Variants in SYCP1 observed in about 807,000 individuals in gnomAD.
SYCP1 encodes synaptonemal complex protein 1.
A neutral mutation model predicts 153.1 loss-of-function variants in SYCP1; 64 were observed. The ratio of observed to expected loss-of-function variants is 0.42; its 90% CI spans 0.34 to 0.51. The LOEUF is 0.51. Ranked by LOEUF, SYCP1 falls within the 20% of genes least tolerant of loss-of-function variation. The pLI is 0.06. For synonymous variants in SYCP1, 384 were observed against 341.8 expected, an observed-to-expected ratio of 1.12 and a Z score of -1.36; for missense variants, 997 against 1,049.0, an observed-to-expected ratio of 0.95 and a Z score of 0.68.
At chr1:114,946,050 G>T (rs908369963) in intron 25 of SYCP1, among the ~76,000 whole-genome samples, 2 of 151,766 alleles carry the variant, frequency 1.3e-5, no homozygotes, top group Non-Finnish European at 2.9e-5. Flanking sequence ...TTTGCTCTTT[G>T]GTTATTTCCA....
chr1:114,910,722 A>G (rs1668119230), intron 17 of SYCP1, among the ~76,000 whole-genome samples: 1 of 152,182 alleles, frequency 6.6e-6, no homozygotes, highest in Admixed American at 6.6e-5. Flanking sequence ...AATATGATGC[A>G]TTATGCTATG....
intron 29 of SYCP1, among the ~76,000 whole-genome samples, chr1:114,981,973 G>A (rs1055779108): frequency 1.3e-5 from 2 of 151,966 alleles, no homozygotes; most frequent in Non-Finnish European, 2.9e-5. Context: ...TGCATCTGTA[G>A]TCCTTGGCAG....
Position 114,923,535 on chromosome 1 carries a change from GT to G in SYCP1, c.1800+7del. 1 of 1,573,638 alleles carries G rather than the reference GT, an allele frequency of 6.4e-7. No individual in the cohort carries two copies. Among genetic ancestry groups the G allele is most frequent in the Non-Finnish European group, 8.6e-7 (1 of 1,156,452 alleles). ...TTGGACAAGAGTGAAGAAAATGTAT[GT>G]TATATTTAATAATGGATCGTATCAC... On this transcript the variant is annotated splice_donor_region_variant and intron_variant, in intron 21 of 31. Transcript: ENST00000369522.
chr1:114,920,051 C>T (rs1469798466), intron 20 of SYCP1, among the ~76,000 whole-genome samples: 1 of 151,642 alleles, frequency 6.6e-6, no homozygotes, highest in Non-Finnish European at 1.5e-5. Flanking sequence ...GTTTGCTCTT[C>T]TTTTTGTAGT....
chr1:114,964,633 A>T (rs1671991699), intron 27 of SYCP1, among the ~76,000 whole-genome samples: 1 of 152,132 alleles, frequency 6.6e-6, no homozygotes, highest in South Asian at 2.1e-4. Context: ...TAAATAGGGA[A>T]TCCTTTCCCC....
chr1:114,987,212 A>G (rs1286608843), intron 30 of SYCP1, among the ~76,000 whole-genome samples: 1 of 152,050 alleles, frequency 6.6e-6, no homozygotes, highest in Non-Finnish European at 1.5e-5. Flanking sequence ...CTTAAAAAAG[A>G]CGGGAGAAGA....
intron 8 of SYCP1, among the ~76,000 whole-genome samples, chr1:114,864,958 A>G (rs1664637163): frequency 6.6e-6 from 1 of 152,120 alleles, no homozygotes; most frequent in Non-Finnish European, 1.5e-5. Flanking sequence ...GGTGTGCTGC[A>G]CCCATTAACT....
chr1:114,908,482 T>G (rs931088954), intron 16 of SYCP1, among the ~76,000 whole-genome samples: 2 of 152,196 alleles, frequency 1.3e-5, no homozygotes, highest in African/African-American at 2.4e-5. Flanking sequence ...AAGATTACAA[T>G]TATACATTGA....
intron 8 of SYCP1, 149 bp from the exon 9 acceptor site, chr1:114,874,356 TA>T: frequency 2.1e-6 from 1 of 487,750 alleles, no homozygotes; most frequent in Non-Finnish European, 3.6e-6. Flanking sequence ...TGATGCAACT[TA>T]AAAAGACCCA....
chr1:114,954,465 A>AT (rs1358391957), intron 27 of SYCP1, among the ~76,000 whole-genome samples: 1 of 151,704 alleles, frequency 6.6e-6, no homozygotes. Flanking sequence ...CTTCAGGATG[A>AT]TTGGAAAGGA....
intron 27 of SYCP1, among the ~76,000 whole-genome samples, chr1:114,976,880 C>CA (rs1261301599): frequency 2.6e-5 from 4 of 151,876 alleles, no homozygotes; most frequent in Non-Finnish European, 4.4e-5. Context: ...GCGAGTTTTA[C>CA]TGCCTAAAAT....
At chr1:114,943,325 A>G (rs955908567) in intron 23 of SYCP1, among the ~76,000 whole-genome samples, 16 of 151,956 alleles carry the variant, frequency 1.1e-4, no homozygotes, top group South Asian at 2.1e-4. Flanking sequence ...TGTGTGTACC[A>G]GTCCCAAAAT....
intron 27 of SYCP1, among the ~76,000 whole-genome samples, chr1:114,954,502 T>C (rs992603558): frequency 4.0e-5 from 6 of 151,316 alleles, no homozygotes; most frequent in Middle Eastern, 3.4e-3. Flanking sequence ...ATAAATACAA[T>C]AATAATTAAT....
chr1:114,965,964 A>G (rs1428241499), intron 27 of SYCP1, among the ~76,000 whole-genome samples: 1 of 152,098 alleles, frequency 6.6e-6, no homozygotes, highest in Non-Finnish European at 1.5e-5. Flanking sequence ...CTGTGAACCC[A>G]TCTGGTCCTG....
In SYCP1 at chr1:114,860,764, C is replaced by A; in HGVS notation, c.553C>A (p.Leu185Ile). The A allele has an allele frequency of 6.3e-7, 1 of 1,596,470 alleles. No homozygotes were observed. Among genetic ancestry groups the A allele is most frequent in the South Asian group, 1.1e-5 (1 of 87,366 alleles). ...TAATGCCACAAGGCATTTATGTAAT[C>A]TACTCAAAGAAACCTGTGCTAGATC... ...ENNATRHLCN[L>I]LKETCARSAE... Residue 185 changes from leucine (L) to isoleucine (I), a missense_variant, in exon 8 of 32, where the codon CTA becomes ATA. Leu to Ile is a conservative substitution (Grantham distance 5). Around this residue, in one of 2 missense-constraint regions of SYCP1, gnomAD observed 285 missense variants for 366.1 expected, o/e 0.78. Transcript: ENST00000369522.
intron 21 of SYCP1, among the ~76,000 whole-genome samples, chr1:114,924,891 C>G (rs527537653): frequency 1.3e-5 from 2 of 152,130 alleles, no homozygotes; most frequent in East Asian, 3.9e-4. Context: ...TATATTTACA[C>G]TTTTGAGAGC....
intron 23 of SYCP1, among the ~76,000 whole-genome samples, chr1:114,942,287 G>T (rs139932596): frequency 6.6e-6 from 1 of 151,964 alleles, no homozygotes; most frequent in South Asian, 2.1e-4. Flanking sequence ...AATTTTGTCC[G>T]CAACATACCT....
At chr1:114,990,429 C>G (rs1229338745) in intron 30 of SYCP1, among the ~76,000 whole-genome samples, 1 of 151,002 alleles carries the variant, frequency 6.6e-6, no homozygotes. Flanking sequence ...TAGTAAAGAA[C>G]TAGAAAAAAA....
intron 27 of SYCP1, among the ~76,000 whole-genome samples, chr1:114,960,020 T>G (rs186876017): frequency 6.6e-6 from 1 of 152,322 alleles, no homozygotes; most frequent in East Asian, 1.9e-4. Flanking sequence ...TTCCAAATCT[T>G]GGCTATTGTG....
Sources: allele counts gnomAD v4.1 joint callset (sites outside exome capture counted in the v4.1 genomes callset), GRCh38; gene constraint gnomAD v4.1.1; regional missense constraint gnomAD v4.1.1; transcripts MANE v1.5; gene names NCBI Gene and HGNC (gene_info 2026-07-23, HGNC 2026-07-21).